Variants in WDR76 observed in about 807,000 individuals in gnomAD.
The protein encoded by WDR76 is WD repeat-containing protein 76.
In WDR76, 52 loss-of-function variants were observed where a neutral mutation model predicts 70.2. The ratio of observed to expected loss-of-function variants is 0.74; its 90% confidence interval spans 0.59 to 0.93. WDR76 has a LOEUF of 0.93. Among genes scored for constraint, WDR76 ranks in the 40% least tolerant of loss-of-function variants. WDR76 has a pLI of 0.00. For missense variants in WDR76, 756 were observed against 760.2 expected, an observed-to-expected ratio of 0.99 and a Z score of 0.07; for synonymous variants, 292 against 271.1, an observed-to-expected ratio of 1.08 and a Z score of -0.76.
At position 43,866,561 on chromosome 15, in the gene WDR76, T is replaced by C. The variant is rs1345425479; in HGVS notation, c.*169T>C. ...TGTACTTTTAGTAAGGGAGAAGTCT[T>C]GGAGGGTTGCTTCTGCAGGACGGGG... On this transcript the variant is annotated 3_prime_UTR_variant, in exon 13 of 13. Coordinates refer to ENST00000263795, the MANE Select transcript of WDR76 (RefSeq NM_024908.4). 1.3e-6 allele frequency: 1 copy of C among 784,242 alleles called. No homozygotes were observed. The highest frequency in any genetic ancestry group is 1.9e-6 in the Non-Finnish European group (1 of 516,140). 48.6% of individuals were successfully genotyped at this position (784,242 alleles called of 1,614,324 possible).
intron 11 of WDR76, among the ~76,000 whole-genome samples, chr15:43,859,300 T>C (rs1253238609): frequency 2.6e-5 from 4 of 152,198 alleles, no homozygotes; most frequent in Admixed American, 2.0e-4. Context: ...TACCTTCCTA[T>C]AGCTACTTCC....
rs767396079 is a variant in WDR76, at chr15:43,856,895, T to C, written c.1192-51T>C. ...TTTACCAAAGAATTTATGCTTTGGC[T>C]TTCTTTACAAGAAGAGTGTGATATA... On this transcript the variant is annotated intron_variant, in intron 9 of 12. Coordinates refer to ENST00000263795, the MANE Select transcript of WDR76 (RefSeq NM_024908.4). 9.9e-6 allele frequency: 15 copies of C among 1,521,016 alleles called. No homozygotes were observed. The South Asian group carries it at 1.6e-4, about 16-fold the overall frequency. 94.2% of individuals were successfully genotyped at this position (1,521,016 alleles called of 1,614,324 possible).
At chr15:43,866,082 T>G (rs1595457686) in intron 12 of WDR76, 46 bp from the exon 13 acceptor site, 2 of 1,604,176 alleles carry the variant, frequency 1.2e-6, no homozygotes, top group Non-Finnish European at 1.7e-6. Context: ...AATGCTACCT[T>G]ATTTAACCTT....
rs1413076643 is a variant in WDR76, at chr15:43,863,108, G to A, written c.1616+1722G>A. Among the ~76,000 whole-genome samples the A allele has an allele frequency of 2.0e-5, 3 of 152,092 alleles. No homozygotes were observed. In the East Asian group the frequency reaches 5.8e-4, roughly 29 times the overall value. ...GCACCACTATGCCCCACTAATTTTTGTATTTTTTTTAGTAGAGACAGGGTT... is the reference window on the plus strand; with the variant it reads ...GCACCACTATGCCCCACTAATTTTTATATTTTTTTTAGTAGAGACAGGGTT... On this transcript the variant is annotated intron_variant, in intron 12 of 12. Transcript: ENST00000263795.
At chr15:43,827,499 G>A (rs1020588471) in intron 1 of WDR76, among the ~76,000 whole-genome samples, 2 of 152,152 alleles carry the variant, frequency 1.3e-5, no homozygotes, top group African/African-American at 4.8e-5. Context: ...TACATATCTA[G>A]GATTTTGGAG....
In WDR76 at chr15:43,835,059, A is replaced by G. The variant is rs2087638005; in HGVS notation, c.463-2A>G. 1.2e-6 allele frequency: 2 copies of G among 1,613,430 alleles called. No homozygotes were observed. The highest frequency in any genetic ancestry group is 2.2e-5 in the South Asian group (2 of 91,060). On this transcript the variant is annotated splice_acceptor_variant, in intron 2 of 12. Coordinates refer to ENST00000263795, the MANE Select transcript of WDR76 (RefSeq NM_024908.4). LOFTEE classifies it high-confidence loss of function. ...TGGAATCTTTTTGGTGTAATTTTATAGGATTTTTCGGGATTGTCACCCTAC... is the reference window on the plus strand; with the variant it reads ...TGGAATCTTTTTGGTGTAATTTTATGGGATTTTTCGGGATTGTCACCCTAC...
intron 9 of WDR76, among the ~76,000 whole-genome samples, chr15:43,852,257 C>T (rs1270426331): frequency 6.6e-6 from 1 of 152,126 alleles, no homozygotes; most frequent in African/African-American, 2.4e-5. Context: ...GATCTCGGCT[C>T]ACTGCAACTT....
intron 4 of WDR76, among the ~76,000 whole-genome samples, chr15:43,838,337 G>A (rs2087683439): frequency 6.6e-6 from 1 of 151,998 alleles, no homozygotes; most frequent in Non-Finnish European, 1.5e-5. Flanking sequence ...AGGTGCTCAT[G>A]ACCATGCTCT....
Position 43,866,574 on chromosome 15 carries a change from C to A in WDR76, c.*182C>A. The A allele has an allele frequency of 1.6e-6, 1 of 636,972 alleles. No homozygotes were observed. The highest frequency in any genetic ancestry group is 2.5e-6 in the Non-Finnish European group (1 of 403,220). The allele number at this position is 636,972 out of a possible 1,614,324, so 39.5% of individuals were successfully genotyped here. ...AGGGAGAAGTCTTGGAGGGTTGCTT[C>A]TGCAGGACGGGGAGGGAATTTGAGG... is the stretch of plus-strand genomic sequence containing the variant. On this transcript the variant is annotated 3_prime_UTR_variant, in exon 13 of 13. Coordinates refer to ENST00000263795, the MANE Select transcript of WDR76 (RefSeq NM_024908.4).
chr15:43,847,515 G>C (rs2087803683), intron 8 of WDR76, among the ~76,000 whole-genome samples: 1 of 151,948 alleles, frequency 6.6e-6, no homozygotes, highest in Non-Finnish European at 1.5e-5. Flanking sequence ...TCCGCCTCCT[G>C]GGTTCAAGCA....
chr15:43,857,805 C>T (rs1003412562), intron 10 of WDR76, among the ~76,000 whole-genome samples: 1 of 124,216 alleles, frequency 8.1e-6, no homozygotes, highest in African/African-American at 3.1e-5. Flanking sequence ...GATGACAGAG[C>T]GAGACTCTTG....
At chr15:43,834,677 C>T (rs1230527160) in intron 2 of WDR76, among the ~76,000 whole-genome samples, 1 of 152,018 alleles carries the variant, frequency 6.6e-6, no homozygotes, top group Admixed American at 6.6e-5. Flanking sequence ...GAACTCCAGA[C>T]CTCAGGTGTT....
At chr15:43,838,994 T>C (rs1868712161) in intron 4 of WDR76, among the ~76,000 whole-genome samples, 1 of 152,190 alleles carries the variant, frequency 6.6e-6, no homozygotes, top group Non-Finnish European at 1.5e-5. Flanking sequence ...TAATTTTTTA[T>C]GTGAATTTTT....
intron 2 of WDR76, among the ~76,000 whole-genome samples, chr15:43,831,992 C>T (rs548851207): frequency 5.3e-5 from 8 of 152,148 alleles, no homozygotes; most frequent in East Asian, 3.9e-4. Flanking sequence ...CGTGATCTGC[C>T]GGCTTCAGTC....
intron 9 of WDR76, among the ~76,000 whole-genome samples, chr15:43,856,566 A>G (rs944118824): frequency 1.3e-5 from 2 of 150,604 alleles, no homozygotes; most frequent in African/African-American, 4.9e-5. Context: ...GACACAGCTG[A>G]TCAGTGCCTT....
In WDR76 at chr15:43,866,752, A is replaced by G. The variant is rs149988082; in HGVS notation, c.*360A>G. On this transcript the variant is annotated 3_prime_UTR_variant, in exon 13 of 13. Coordinates refer to ENST00000263795, the MANE Select transcript of WDR76 (RefSeq NM_024908.4). ...AGCGATTCTCCTGCCTCAGACTCCT[A>G]AGTAGCTGGGATTACAGGCACCTGC... 1,312 of 185,398 alleles carry G rather than the reference A, an allele frequency of 7.1e-3. 25 individuals carry two copies. The highest frequency in any genetic ancestry group is 0.045 in the East Asian group (320 of 7,034). The allele number at this position is 185,398 out of a possible 1,614,324, so 11.5% of individuals were successfully genotyped here. A position where few individuals can be genotyped will look rare whatever the true frequency, so the allele number is the denominator to read the frequency against.
At chr15:43,841,184 C>T (rs2087719846) in intron 5 of WDR76, among the ~76,000 whole-genome samples, 1 of 145,978 alleles carries the variant, frequency 6.9e-6, no homozygotes, top group Non-Finnish European at 1.5e-5. Flanking sequence ...CCACGCCTGG[C>T]TAAGTTTTGT....
At chr15:43,831,774 T>C (rs925305444) in intron 2 of WDR76, among the ~76,000 whole-genome samples, 2 of 152,004 alleles carry the variant, frequency 1.3e-5, no homozygotes, top group Admixed American at 6.6e-5. Flanking sequence ...TTCATTTTGG[T>C]GAAGTACAGC....
chr15:43,849,041 G>T (rs548586740), intron 8 of WDR76, among the ~76,000 whole-genome samples: 6 of 151,350 alleles, frequency 4.0e-5, no homozygotes, highest in African/African-American at 1.5e-4. Flanking sequence ...CAAGCATGGT[G>T]GTGGGTGCCT....
Sources: allele counts gnomAD v4.1 joint callset (sites outside exome capture counted in the v4.1 genomes callset), GRCh38; gene constraint gnomAD v4.1.1; transcripts MANE v1.5; gene names NCBI Gene and HGNC (gene_info 2026-07-23, HGNC 2026-07-21).